The following AFAP1 variants were observed in gnomAD, a reference collection of about 807,000 sequenced individuals.
AFAP1 encodes the protein actin filament-associated protein 1.
In AFAP1, 75 loss-of-function variants were observed where a neutral mutation model predicts 93.9. The observed-to-expected ratio is 0.80, with a 90% CI of 0.66 to 0.97. The LOEUF is 0.97. AFAP1 is among the 50% of genes least tolerant of loss of function. The pLI is 0.00. For synonymous variants in AFAP1, 517 were observed against 430.7 expected, an observed-to-expected ratio of 1.20 and a Z score of -2.48; for missense variants, 1,201 against 1,050.8, an observed-to-expected ratio of 1.14 and a Z score of -1.98.
intron 11 of AFAP1, among the ~76,000 whole-genome samples, chr4:7,793,130 T>A (rs530063019): frequency 2.6e-4 from 39 of 152,028 alleles, no homozygotes; most frequent in Non-Finnish European, 4.7e-4. Flanking sequence ...ATATTCACTG[T>A]TCAAAAGGAC....
intron 13 of AFAP1, among the ~76,000 whole-genome samples, chr4:7,780,600 C>A (rs1036569108): frequency 1.3e-5 from 2 of 151,840 alleles, no homozygotes; most frequent in East Asian, 3.9e-4. Flanking sequence ...ATCACTTGAG[C>A]CCACAGTTCA....
At chr4:7,790,532 G>A (rs1484689520) in intron 11 of AFAP1, among the ~76,000 whole-genome samples, 1 of 152,100 alleles carries the variant, frequency 6.6e-6, no homozygotes, top group Non-Finnish European at 1.5e-5. Context: ...AATTACATGT[G>A]GACGTAGGAT....
At chr4:7,894,972 G>C (rs1412450103) in intron 1 of AFAP1, among the ~76,000 whole-genome samples, 1 of 152,222 alleles carries the variant, frequency 6.6e-6, no homozygotes, top group Non-Finnish European at 1.5e-5. Flanking sequence ...ATGCATGTGG[G>C]TACAGACGGA....
chr4:7,836,925 AT>A (rs1712372738), intron 6 of AFAP1, among the ~76,000 whole-genome samples: 1 of 152,110 alleles, frequency 6.6e-6, no homozygotes, highest in South Asian at 2.1e-4. Context: ...GATTTCAATA[AT>A]TTTTCCCCTA....
intron 10 of AFAP1, among the ~76,000 whole-genome samples, chr4:7,796,964 G>T (rs568624266): frequency 2.4e-4 from 37 of 151,948 alleles, no homozygotes; most frequent in Non-Finnish European, 5.0e-4. Flanking sequence ...GGAGGCTGAG[G>T]CAGGAGAATC....
chr4:7,854,571 G>A (rs1485315882), intron 4 of AFAP1, among the ~76,000 whole-genome samples: 1 of 152,190 alleles, frequency 6.6e-6, no homozygotes, highest in Non-Finnish European at 1.5e-5. Flanking sequence ...TCTCTATGTG[G>A]CAGGTAACAG....
intron 1 of AFAP1, among the ~76,000 whole-genome samples, chr4:7,905,654 C>A (rs1409937775): frequency 6.6e-6 from 1 of 152,194 alleles, no homozygotes; most frequent in Non-Finnish European, 1.5e-5. Flanking sequence ...CTCATTTAGG[C>A]CATGAGCACT....
At position 7,772,780 on chromosome 4, in the gene AFAP1, G is replaced by A. The variant is rs1715611883; in HGVS notation, c.2253+40C>T. 3.1e-6 allele frequency: 5 copies of A among 1,593,970 alleles called. No individual in the cohort carries two copies. In the Admixed American group the frequency reaches 5.1e-5, roughly 16 times the overall value. On this transcript the variant is annotated intron_variant, in intron 16 of 17. Coordinates refer to ENST00000420658, the MANE Select transcript of AFAP1 (RefSeq NM_001134647.2). Reference sequence around the variant, plus strand: ...GGTGCACTGGCCCTCGGCCACGCAAGGCCGCGCCAGCCTCCGAGGTGAGCC... The same window carrying A: ...GGTGCACTGGCCCTCGGCCACGCAAAGCCGCGCCAGCCTCCGAGGTGAGCC...
chr4:7,779,526 T>C (rs540866907), intron 13 of AFAP1, among the ~76,000 whole-genome samples: 38 of 152,356 alleles, frequency 2.5e-4, no homozygotes, highest in Admixed American at 2.0e-3. Flanking sequence ...TGACCTTATG[T>C]GCAGCTTAGC....
chr4:7,913,685 C>T (rs970578275), intron 1 of AFAP1, among the ~76,000 whole-genome samples: 1 of 152,132 alleles, frequency 6.6e-6, no homozygotes, highest in African/African-American at 2.4e-5. Flanking sequence ...ATAAAAAAGT[C>T]ATCACTGCAA....
At chr4:7,864,338 C>T (rs1716167114) in intron 3 of AFAP1, among the ~76,000 whole-genome samples, 1 of 152,196 alleles carries the variant, frequency 6.6e-6, no homozygotes, top group South Asian at 2.1e-4. Flanking sequence ...GGCACAGCTG[C>T]CTACCAGTCC....
intron 9 of AFAP1, 82 bp downstream of exon 9, chr4:7,809,532 G>C: frequency 6.8e-7 from 1 of 1,477,018 alleles, no homozygotes; most frequent in Non-Finnish European, 9.1e-7. Flanking sequence ...AGCCTTGGAT[G>C]AACTGGGTAC....
chr4:7,908,717 G>A (rs1719562096), intron 1 of AFAP1, among the ~76,000 whole-genome samples: 1 of 152,204 alleles, frequency 6.6e-6, no homozygotes, highest in African/African-American at 2.4e-5. Flanking sequence ...GAAGGAACAG[G>A]CTAGATTGAT....
intron 1 of AFAP1, among the ~76,000 whole-genome samples, chr4:7,928,326 A>G (rs995296167): frequency 6.6e-6 from 1 of 152,136 alleles, no homozygotes; most frequent in African/African-American, 2.4e-5. Context: ...ATCTTTTTCT[A>G]AGCTCTTTCA....
intron 13 of AFAP1, 80 bp downstream of exon 13, chr4:7,781,296 T>C (rs1716742365): frequency 1.3e-6 from 2 of 1,496,166 alleles, no homozygotes; most frequent in Admixed American, 2.2e-5. Flanking sequence ...ATGAGTCCCA[T>C]TTACTACAAG....
intron 1 of AFAP1, among the ~76,000 whole-genome samples, chr4:7,884,683 C>T (rs551717968): frequency 1.3e-5 from 2 of 152,144 alleles, no homozygotes; most frequent in Non-Finnish European, 2.9e-5. Context: ...CAGAAAAACT[C>T]TAAAGATACT....
At chr4:7,896,281 C>A (rs1372078729) in intron 1 of AFAP1, among the ~76,000 whole-genome samples, 1 of 152,126 alleles carries the variant, frequency 6.6e-6, no homozygotes, top group African/African-American at 2.4e-5. Context: ...GGTTTTCCAG[C>A]TAAGGAATGT....
chr4:7,782,154 T>C (rs1716837539), intron 12 of AFAP1, among the ~76,000 whole-genome samples: 1 of 152,190 alleles, frequency 6.6e-6, no homozygotes, highest in Non-Finnish European at 1.5e-5. Context: ...GACGCTGACT[T>C]CGTCTCACAG....
chr4:7,824,369 G>A (rs2149081046), intron 6 of AFAP1, among the ~76,000 whole-genome samples: 2 of 151,922 alleles, frequency 1.3e-5, no homozygotes, highest in Middle Eastern at 6.8e-3. Context: ...TGGGAATATT[G>A]GCTCTTGTCT....
Sources: gnomAD v4.1 joint callset for allele counts (sites outside exome capture counted in the v4.1 genomes callset) on GRCh38, gnomAD v4.1.1 for gene constraint, MANE v1.5 for transcripts, NCBI Gene and HGNC (gene_info 2026-07-23, HGNC 2026-07-21) for gene names.